The following PID1 variants were observed in gnomAD, a reference collection of about 807,000 sequenced individuals.
The protein encoded by PID1 is phosphotyrosine interaction domain containing 1, also known as PTB-containing, cubilin and LRP1-interacting protein.
Under a neutral mutation model 19.1 loss-of-function variants are expected in PID1, and 10 were observed. That is an observed-to-expected ratio of 0.52 (90% confidence interval 0.32 to 0.89). The LOEUF (loss-of-function observed/expected upper bound fraction) is 0.89, where lower values mean the gene tolerates loss of function less well. PID1 is among the 40% of genes least tolerant of loss of function. The probability of loss-of-function intolerance (pLI) is 0.03; values close to 1 mark genes in which losing one functional copy is unlikely to be tolerated. For synonymous variants in PID1, 130 were observed against 116.0 expected (o/e 1.12, Z -0.78); for missense variants, 248 against 285.3 (o/e 0.87, Z 0.94).
At chr2:229,251,699 A>C (rs149227574) in intron 1 of PID1, among the ~76,000 whole-genome samples, 1 of 152,326 alleles carries the variant, frequency 6.6e-6, no homozygotes, top group African/African-American at 2.4e-5. Context: ...AAAGCTTCAA[A>C]TCAAAATTAA....
rs552456495 is a variant in PID1, at chr2:229,195,418, A to T, written c.31-39454T>A. On this transcript the variant is annotated intron_variant, in intron 1 of 2. Coordinates refer to ENST00000392055, the MANE Select transcript of PID1 (RefSeq NM_001100818.2). ...ATATACATACATAACATGCATACAT[A>T]CATGTATAAACACATATACACATAT... 2.7e-4 allele frequency among the ~76,000 whole-genome samples: 41 copies of T among 152,016 alleles called. No homozygotes were observed. In the South Asian group the frequency reaches 5.8e-3, roughly 22 times the overall value.
At chr2:229,198,457 C>G (rs1691424790) in intron 1 of PID1, among the ~76,000 whole-genome samples, 1 of 152,012 alleles carries the variant, frequency 6.6e-6, no homozygotes, top group African/African-American at 2.4e-5. Context: ...ACACATATGC[C>G]TAGATGAGAC....
chr2:229,219,427 G>A (rs1012230738), intron 1 of PID1, among the ~76,000 whole-genome samples: 3 of 152,144 alleles, frequency 2.0e-5, no homozygotes, highest in Admixed American at 6.6e-5. Flanking sequence ...GAACTATCAC[G>A]AGAACAGCAG....
intron 2 of PID1, among the ~76,000 whole-genome samples, chr2:229,035,833 C>A (rs188624681): frequency 2.0e-4 from 30 of 152,264 alleles, no homozygotes; most frequent in Admixed American, 1.7e-3. Flanking sequence ...GGCACCCTAC[C>A]AAGGCTTTTT....
At chr2:229,054,151 A>G (rs1181742825) in intron 2 of PID1, among the ~76,000 whole-genome samples, 4 of 152,232 alleles carry the variant, frequency 2.6e-5, no homozygotes, top group Non-Finnish European at 4.4e-5. Flanking sequence ...GTGAACCCCA[A>G]TAATGCAAGA....
chr2:229,221,038 C>T (rs552354214), intron 1 of PID1, among the ~76,000 whole-genome samples: 1 of 152,222 alleles, frequency 6.6e-6, no homozygotes, highest in Admixed American at 6.5e-5. Flanking sequence ...GTAGACTTGC[C>T]CCCTTGTATT....
At chr2:229,102,235 T>C (rs1029389186) in intron 2 of PID1, among the ~76,000 whole-genome samples, 3 of 152,214 alleles carry the variant, frequency 2.0e-5, no homozygotes, top group East Asian at 1.9e-4. Context: ...AAGCTTGTGT[T>C]TTCCATAACA....
intron 2 of PID1, among the ~76,000 whole-genome samples, chr2:229,099,723 T>C (rs1474797247): frequency 6.6e-6 from 1 of 152,156 alleles, no homozygotes; most frequent in African/African-American, 2.4e-5. Flanking sequence ...CAAGAAATGA[T>C]TTCACTGCCT....
intron 1 of PID1, among the ~76,000 whole-genome samples, chr2:229,266,738 C>A (rs567203053): frequency 2.6e-5 from 4 of 152,170 alleles, no homozygotes; most frequent in South Asian, 2.1e-4. Flanking sequence ...CTCTAAAATG[C>A]GGATAAAAGT....
Position 229,248,407 on chromosome 2 carries a change from G to A in PID1, c.30+22607C>T, listed in dbSNP as rs73998600. ...AGACGATCATGGTTTGCCTCATTAT[G>A]GGTGATGCTAACTTTGATTCTTTGT... On this transcript the variant is annotated intron_variant, in intron 1 of 2. Coordinates refer to ENST00000392055, the MANE Select transcript of PID1 (RefSeq NM_001100818.2). Among the ~76,000 whole-genome samples the A allele has an allele frequency of 6.1e-3, 927 of 152,296 alleles. 6 individuals carry two copies. Among genetic ancestry groups the A allele is most frequent in the African/African-American group, 0.021 (884 of 41,558 alleles).
intron 1 of PID1, among the ~76,000 whole-genome samples, chr2:229,219,902 A>G (rs899354151): frequency 6.6e-6 from 1 of 152,092 alleles, no homozygotes; most frequent in Non-Finnish European, 1.5e-5. Flanking sequence ...GTCTAAGGTC[A>G]TATGCTAGTA....
At chr2:229,243,208 G>A (rs1052870967) in intron 1 of PID1, among the ~76,000 whole-genome samples, 21 of 152,092 alleles carry the variant, frequency 1.4e-4, no homozygotes, top group African/African-American at 3.1e-4. Flanking sequence ...ATCAGATCTC[G>A]TGAGATTTAT....
chr2:229,101,120 G>C (rs749244066), intron 2 of PID1, among the ~76,000 whole-genome samples: 2 of 152,182 alleles, frequency 1.3e-5, no homozygotes, highest in African/African-American at 2.4e-5. Flanking sequence ...ATCTCACCAC[G>C]GTGTGAACAC....
intron 2 of PID1, among the ~76,000 whole-genome samples, chr2:229,065,442 T>C (rs901267414): frequency 2.0e-4 from 31 of 152,284 alleles, no homozygotes; most frequent in African/African-American, 7.5e-4. Flanking sequence ...CATTGTCTGC[T>C]GGAAGTATTT....
At chr2:229,078,131 G>A (rs1574610634) in intron 2 of PID1, among the ~76,000 whole-genome samples, 1 of 152,212 alleles carries the variant, frequency 6.6e-6, no homozygotes, top group East Asian at 1.9e-4. Flanking sequence ...CTTGTAAGTT[G>A]TATTCCTACG....
intron 2 of PID1, among the ~76,000 whole-genome samples, chr2:229,092,949 C>T (rs947399083): frequency 6.6e-6 from 1 of 152,046 alleles, no homozygotes; most frequent in Admixed American, 6.5e-5. Flanking sequence ...ATGCTCCAAT[C>T]CCAGCAATTG....
At chr2:229,149,154 G>T (rs1690196242) in intron 2 of PID1, among the ~76,000 whole-genome samples, 1 of 151,794 alleles carries the variant, frequency 6.6e-6, no homozygotes, top group Non-Finnish European at 1.5e-5. Flanking sequence ...AATTGGCATA[G>T]GATTCAAGAA....
At chr2:229,078,398 T>A (rs1407057122) in intron 2 of PID1, among the ~76,000 whole-genome samples, 1 of 152,198 alleles carries the variant, frequency 6.6e-6, no homozygotes, top group African/African-American at 2.4e-5. Flanking sequence ...GTCTTTCTCT[T>A]ACCTGATTGC....
chr2:229,170,852 G>A (rs563253261), intron 1 of PID1, among the ~76,000 whole-genome samples: 35 of 152,256 alleles, frequency 2.3e-4, no homozygotes, highest in Admixed American at 2.1e-3. Flanking sequence ...ATCTTCCTCC[G>A]AAGTAATAAA....
Sources: gnomAD v4.1 joint callset for allele counts (sites outside exome capture counted in the v4.1 genomes callset) on GRCh38, gnomAD v4.1.1 for gene constraint, MANE v1.5 for transcripts, NCBI Gene and HGNC (gene_info 2026-07-23, HGNC 2026-07-21) for gene names.